The following STT3B variants were observed in gnomAD, a reference collection of about 807,000 sequenced individuals.
The protein encoded by STT3B is STT3 oligosaccharyltransferase complex catalytic subunit B.
STT3B carries 29 observed loss-of-function variants against 96.8 expected under a neutral mutation model. The ratio of observed to expected loss-of-function variants is 0.30; its 90% CI spans 0.22 to 0.41. The LOEUF (loss-of-function observed/expected upper bound fraction) is 0.41. Among genes scored for constraint, STT3B ranks in the 10% least tolerant of loss-of-function variants. The pLI is 1.00. For missense variants in STT3B, 640 were observed against 1,022.3 expected (o/e 0.63, Z 5.10); for synonymous variants, 367 against 360.0 (o/e 1.02, Z -0.22).
intron 5 of STT3B, among the ~76,000 whole-genome samples, chr3:31,605,696 C>T (rs958274057): frequency 2.6e-5 from 4 of 152,156 alleles, no homozygotes; most frequent in African/African-American, 9.7e-5. Flanking sequence ...TCAGGTATGT[C>T]TTTATCAGCA....
intron 15 of STT3B, among the ~76,000 whole-genome samples, chr3:31,633,357 AGGCCTTCTGGCTTTGGT>A (rs1699700645): frequency 1.3e-5 from 2 of 152,320 alleles, no homozygotes; most frequent in South Asian, 4.1e-4. Context: ...ATTTTTCCAG[AGGCCTTCTGGCTTTGGT>A]TTGTGCTATT....
chr3:31,558,462 T>C (rs1697775992), intron 1 of STT3B, among the ~76,000 whole-genome samples: 1 of 152,248 alleles, frequency 6.6e-6, no homozygotes, highest in South Asian at 2.1e-4. Context: ...AGGGTTTTTG[T>C]CTTCATTTTC....
chr3:31,560,861 T>C (rs1163811112), intron 1 of STT3B, among the ~76,000 whole-genome samples: 1 of 152,114 alleles, frequency 6.6e-6, no homozygotes, highest in Non-Finnish European at 1.5e-5. Flanking sequence ...TTTTGTTTTC[T>C]CTTCACCTTC....
In STT3B at chr3:31,533,582, ATGCAGCCGCCGGGAGTGTGGG is replaced by A. The variant is rs1248248888; in HGVS notation, c.314+297_314+317del. 635 of 269,168 alleles carry A rather than the reference ATGCAGCCGCCGGGAGTGTGGG, an allele frequency of 2.4e-3. 6 individuals carry two copies. The highest frequency in any genetic ancestry group is 4.5e-3 in the South Asian group (32 of 7,090). 16.7% of individuals were successfully genotyped at this position (269,168 alleles called of 1,614,324 possible). On this transcript the variant is annotated intron_variant, in intron 1 of 15. Transcript: ENST00000295770. ...AGTGTGAAGACTGCCAGGAGTGTGGATGCAGCCGCCGGGAGTGTGGGTGCAGCCGCCGGGAGTGTGGGTGCA... is the reference window on the plus strand; with the variant it reads ...AGTGTGAAGACTGCCAGGAGTGTGGATGCAGCCGCCGGGAGTGTGGGTGCA...
intron 9 of STT3B, among the ~76,000 whole-genome samples, chr3:31,621,431 G>A (rs1279829279): frequency 1.3e-5 from 2 of 152,030 alleles, no homozygotes; most frequent in Non-Finnish European, 2.9e-5. Flanking sequence ...ATGATGCGAT[G>A]TATTTTTTAG....
chr3:31,540,690 C>T (rs537316863), intron 1 of STT3B, among the ~76,000 whole-genome samples: 2 of 152,226 alleles, frequency 1.3e-5, no homozygotes, highest in African/African-American at 4.8e-5. Context: ...ATAAGATATA[C>T]ATATATATAC....
intron 1 of STT3B, among the ~76,000 whole-genome samples, chr3:31,562,990 G>A (rs994877935): frequency 2.6e-5 from 4 of 152,122 alleles, no homozygotes; most frequent in African/African-American, 9.7e-5. Context: ...TAGGATTTTA[G>A]GAGTCCTAGT....
chr3:31,545,719 A>C (rs548818835), intron 1 of STT3B, among the ~76,000 whole-genome samples: 46 of 152,018 alleles, frequency 3.0e-4, no homozygotes, highest in Non-Finnish European at 6.0e-4. Flanking sequence ...TCATATGTAT[A>C]TATCTGTAAA....
At position 31,618,865 on chromosome 3, in the gene STT3B, T is replaced by C. The variant is rs532457940; in HGVS notation, c.1173-811T>C. Among the ~76,000 whole-genome samples, 10 of 152,188 alleles carry C rather than the reference T, an allele frequency of 6.6e-5. No homozygotes were observed. In the East Asian group the frequency reaches 1.5e-3, roughly 24 times the overall value. ...ATTACTAGGTTAACTTGTGCAGTTATATTATAAAGTAATAATATAACTGTA... is the reference window on the plus strand; with the variant it reads ...ATTACTAGGTTAACTTGTGCAGTTACATTATAAAGTAATAATATAACTGTA... On this transcript the variant is annotated intron_variant, in intron 8 of 15. Coordinates refer to ENST00000295770, the MANE Select transcript of STT3B (RefSeq NM_178862.3).
chr3:31,605,390 C>G (rs546530391), intron 5 of STT3B, among the ~76,000 whole-genome samples: 1 of 151,990 alleles, frequency 6.6e-6, no homozygotes. Context: ...TGTGTCCCCA[C>G]CCAAATTTCA....
intron 3 of STT3B, among the ~76,000 whole-genome samples, chr3:31,587,960 T>G (rs1698580641): frequency 6.6e-6 from 1 of 152,192 alleles, no homozygotes; most frequent in South Asian, 2.1e-4. Context: ...CTCTTATGTC[T>G]GGTTTCCTTA....
At chr3:31,620,456 A>G (rs1699402063) in intron 9 of STT3B, among the ~76,000 whole-genome samples, 1 of 152,134 alleles carries the variant, frequency 6.6e-6, no homozygotes, top group African/African-American at 2.4e-5. Flanking sequence ...AATTTTATTT[A>G]AGTAGGAAGA....
At chr3:31,543,668 T>C (rs1293652380) in intron 1 of STT3B, among the ~76,000 whole-genome samples, 1 of 152,224 alleles carries the variant, frequency 6.6e-6, no homozygotes, top group Non-Finnish European at 1.5e-5. Context: ...TATTATTCTT[T>C]ATAGAAGAAG....
At chr3:31,606,224 G>A (rs9812889) in intron 5 of STT3B, among the ~76,000 whole-genome samples, 106,674 of 152,140 alleles carry the variant, frequency 0.7, 37,896 homozygotes, top group Non-Finnish European at 0.76. Flanking sequence ...TAGAAAAGCA[G>A]AACCCATTCT....
At chr3:31,560,647 T>G (rs1559365855) in intron 1 of STT3B, among the ~76,000 whole-genome samples, 1 of 152,108 alleles carries the variant, frequency 6.6e-6, no homozygotes, top group Non-Finnish European at 1.5e-5. Flanking sequence ...TCTTTATAAG[T>G]GACTAGACTC....
Position 31,533,246 on chromosome 3 carries a change from C to G in STT3B, c.248C>G (p.Ala83Gly), listed in dbSNP as rs1459140990. The G allele has an allele frequency of 6.6e-7, 1 of 1,504,230 alleles. No homozygotes were observed. The highest frequency in any genetic ancestry group is 8.9e-7 in the Non-Finnish European group (1 of 1,125,346). The allele number at this position is 1,504,230 out of a possible 1,614,324, so 93.2% of individuals were successfully genotyped here. ...SFTILFLAWL[A>G]GFSSRLFAVI... ...ACCATCCTCTTCCTGGCCTGGCTTGCCGGCTTCAGCTCGCGCCTCTTCGCC... is the reference window on the plus strand; with the variant it reads ...ACCATCCTCTTCCTGGCCTGGCTTGGCGGCTTCAGCTCGCGCCTCTTCGCC... The change falls in exon 1 of 16, where the codon GCC (alanine) becomes GGC (glycine). Residue 83 changes from alanine to glycine, a missense_variant. By Grantham distance (60) the Ala-to-Gly change is moderately conservative. Transcript: ENST00000295770.
intron 9 of STT3B, chr3:31,620,154 A>T (rs1188673914): frequency 3.3e-6 from 1 of 307,436 alleles, no homozygotes; most frequent in Admixed American, 4.9e-5. Context: ...GCATGCCTGT[A>T]ATCCCAGCTA....
At chr3:31,548,764 T>A (rs1316599177) in intron 1 of STT3B, among the ~76,000 whole-genome samples, 1 of 152,148 alleles carries the variant, frequency 6.6e-6, no homozygotes, top group African/African-American at 2.4e-5. Context: ...AGTTTTGGTT[T>A]CCCTGTAATA....
chr3:31,533,557 AG>A, intron 1 of STT3B: 1 of 367,970 alleles, frequency 2.7e-6, no homozygotes. Context: ...CGGCCGGGCT[AG>A]TGTGAAGACT....
Sources: allele counts gnomAD v4.1 joint callset (sites outside exome capture counted in the v4.1 genomes callset), GRCh38; gene constraint gnomAD v4.1.1; transcripts MANE v1.5; gene names NCBI Gene and HGNC (gene_info 2026-07-23, HGNC 2026-07-21).